The following AK9 variants were observed in gnomAD, a reference collection of about 807,000 sequenced individuals.
AK9 encodes adenylate kinase 9.
AK9 carries 191 observed loss-of-function variants against 239.6 expected under a neutral mutation model. That is an observed-to-expected ratio of 0.80 (90% CI 0.71 to 0.90). AK9 has a LOEUF of 0.90. Ranked by LOEUF, AK9 falls within the 40% of genes least tolerant of loss-of-function variation. The pLI, the probability that AK9 is intolerant of heterozygous loss-of-function variation, is 0.00. For missense variants in AK9, 1,995 were observed against 2,214.7 expected (o/e 0.90, Z 1.99); for synonymous variants, 689 against 721.0 (o/e 0.96, Z 0.71).
Position 109,545,863 on chromosome 6 carries a change from C to T in AK9, c.3225+4G>A. 1 of 1,588,002 alleles carries T rather than the reference C, an allele frequency of 6.3e-7. No homozygotes were observed. Among genetic ancestry groups the T allele is most frequent in the Non-Finnish European group, 8.5e-7 (1 of 1,172,232 alleles). ...AAACAAAAAACAAAAAAAGAGATTACTACCTGCTTTTTTGTATTTTCTTCC... is the reference window on the plus strand; with the variant it reads ...AAACAAAAAACAAAAAAAGAGATTATTACCTGCTTTTTTGTATTTTCTTCC... On this transcript the variant is annotated splice_donor_region_variant and intron_variant, in intron 26 of 40. Coordinates refer to ENST00000424296, the MANE Select transcript of AK9 (RefSeq NM_001145128.3).
chr6:109,652,180 A>G (rs1009408616), intron 8 of AK9, among the ~76,000 whole-genome samples: 2 of 152,196 alleles, frequency 1.3e-5, no homozygotes, highest in Admixed American at 6.5e-5. Context: ...ACTGAATCCA[A>G]CAGCACATCA....
At chr6:109,682,107 T>C (rs994000138) in intron 1 of AK9, among the ~76,000 whole-genome samples, 5 of 151,902 alleles carry the variant, frequency 3.3e-5, no homozygotes, top group Admixed American at 2.6e-4. Context: ...CTGAAAGAGA[T>C]AGAGACACGA....
chr6:109,660,517 T>A (rs373518177), intron 6 of AK9, among the ~76,000 whole-genome samples: 1 of 152,182 alleles, frequency 6.6e-6, no homozygotes, highest in Non-Finnish European at 1.5e-5. Context: ...CATCTCTAGA[T>A]GGAGATGGGA....
intron 17 of AK9, among the ~76,000 whole-genome samples, chr6:109,605,162 T>G (rs116523641): frequency 0.021 from 3,162 of 152,260 alleles, 97 homozygotes; most frequent in African/African-American, 0.073. Flanking sequence ...GTGACAGCAG[T>G]TGGGCATGGT....
chr6:109,666,411 G>A (rs1465598075), intron 5 of AK9, among the ~76,000 whole-genome samples: 1 of 152,188 alleles, frequency 6.6e-6, no homozygotes, highest in Non-Finnish European at 1.5e-5. Flanking sequence ...CACCCCACAT[G>A]TCCTTGAGAC....
chr6:109,636,982 A>C (rs1796795964), intron 10 of AK9, among the ~76,000 whole-genome samples: 1 of 152,158 alleles, frequency 6.6e-6, no homozygotes, highest in Non-Finnish European at 1.5e-5. Context: ...CCACCAAACT[A>C]TTTTAAACAG....
chr6:109,674,792 G>A (rs1395505860), intron 2 of AK9, among the ~76,000 whole-genome samples: 1 of 152,132 alleles, frequency 6.6e-6, no homozygotes, highest in East Asian at 1.9e-4. Context: ...AACCCATTAT[G>A]TTTTTAGAAA....
At chr6:109,638,092 G>A (rs1025696544) in intron 10 of AK9, among the ~76,000 whole-genome samples, 2 of 152,120 alleles carry the variant, frequency 1.3e-5, no homozygotes, top group Non-Finnish European at 2.9e-5. Context: ...TCCCTTTTAT[G>A]AAAAAGGAGG....
intron 27 of AK9, among the ~76,000 whole-genome samples, chr6:109,537,325 A>G (rs1005875355): frequency 2.6e-5 from 4 of 151,998 alleles, no homozygotes; most frequent in Non-Finnish European, 4.4e-5. Flanking sequence ...TTCCTAGTTT[A>G]GTCTTGAGAG....
chr6:109,576,312 A>G (rs1227356371), intron 20 of AK9, among the ~76,000 whole-genome samples: 5 of 145,412 alleles, frequency 3.4e-5, no homozygotes, highest in Admixed American at 2.1e-4. Flanking sequence ...TGAGCATGGG[A>G]TGTGTTTTCA....
chr6:109,621,335 G>A (rs1172500645), intron 12 of AK9, among the ~76,000 whole-genome samples: 2 of 45,358 alleles, frequency 4.4e-5, no homozygotes, highest in African/African-American at 1.8e-4. Flanking sequence ...TCAGTGTGGC[G>A]ATTCCTCAGG....
chr6:109,640,670 G>A (rs752719920), intron 10 of AK9, among the ~76,000 whole-genome samples: 1 of 151,708 alleles, frequency 6.6e-6, no homozygotes, highest in African/African-American at 2.4e-5. Flanking sequence ...TTCCACCTCA[G>A]CCTTCCAAAG....
At chr6:109,636,363 G>T (rs1336188387) in intron 10 of AK9, among the ~76,000 whole-genome samples, 2 of 152,144 alleles carry the variant, frequency 1.3e-5, no homozygotes, top group East Asian at 3.9e-4. Flanking sequence ...TCCTAGGGAA[G>T]ATTTTTGGGT....
chr6:109,669,315 A>G (rs938060087), intron 5 of AK9, among the ~76,000 whole-genome samples: 7 of 152,090 alleles, frequency 4.6e-5, no homozygotes, highest in African/African-American at 1.7e-4. Flanking sequence ...TTCTAGGTAT[A>G]CAATCATGTC....
At chr6:109,618,956 T>C (rs1024409070) in intron 13 of AK9, 136 bp downstream of exon 13, 2 of 975,644 alleles carry the variant, frequency 2.0e-6, no homozygotes, top group African/African-American at 1.7e-5. Flanking sequence ...CATCCATTCT[T>C]CAACCATTTG....
chr6:109,646,000 C>A (rs996186627), intron 8 of AK9, among the ~76,000 whole-genome samples: 1 of 152,176 alleles, frequency 6.6e-6, no homozygotes, highest in Non-Finnish European at 1.5e-5. Context: ...AGCTGAGGGT[C>A]CTAACTGTTA....
rs1213773883 is a variant in AK9, at chr6:109,669,570, C to T, written c.331+2349G>A. ...ATGATTAGATACATCCCATCTATAC[C>T]TAATTTATTGAGAGTTTTTAGCATG... On this transcript the variant is annotated intron_variant, in intron 5 of 40. Coordinates refer to ENST00000424296, the MANE Select transcript of AK9 (RefSeq NM_001145128.3). 3.9e-5 allele frequency among the ~76,000 whole-genome samples: 6 copies of T among 152,178 alleles called. No homozygotes were observed. The East Asian group carries it at 1.2e-3, about 29-fold the overall frequency.
intron 1 of AK9, among the ~76,000 whole-genome samples, chr6:109,689,018 G>C (rs920827572): frequency 1.3e-5 from 2 of 152,172 alleles, no homozygotes. Context: ...CAGTAACCAA[G>C]GGCTTATGCT....
At chr6:109,664,665 C>T (rs1421545140) in intron 5 of AK9, among the ~76,000 whole-genome samples, 2 of 151,806 alleles carry the variant, frequency 1.3e-5, no homozygotes, top group African/African-American at 2.4e-5. Flanking sequence ...TCTCGTGATC[C>T]GCCTGCCTCG....
Sources: gnomAD v4.1 joint callset for allele counts (sites outside exome capture counted in the v4.1 genomes callset) on GRCh38, gnomAD v4.1.1 for gene constraint, MANE v1.5 for transcripts, NCBI Gene and HGNC (gene_info 2026-07-23, HGNC 2026-07-21) for gene names.